Variants in MUSTN1 observed in about 807,000 individuals in gnomAD.
MUSTN1 encodes the protein musculoskeletal embryonic nuclear protein 1.
Under a neutral mutation model 11.8 loss-of-function variants are expected in MUSTN1, and 14 were observed. That is an observed-to-expected ratio of 1.18 (90% CI 0.78 to 1.85). MUSTN1 has a LOEUF of 1.85. MUSTN1 is among the 40% of genes most tolerant of loss of function. The probability of loss-of-function intolerance (pLI) is 0.00; values close to 1 mark genes in which losing one functional copy is unlikely to be tolerated. For synonymous variants in MUSTN1, 42 were observed against 43.3 expected, an observed-to-expected ratio of 0.97 and a Z score of 0.12; for missense variants, 111 against 108.8, an observed-to-expected ratio of 1.02 and a Z score of -0.09.
intron 2 of MUSTN1, 59 bp downstream of exon 2, chr3:52,833,558 C>T (rs750390828): frequency 7.5e-5 from 120 of 1,593,296 alleles, no homozygotes; most frequent in Non-Finnish European, 9.2e-5. Context: ...CACCTCCCCC[C>T]ACCACTGACA....
rs756121159 is a variant in MUSTN1 at position 52,834,982 on chromosome 3, G to T, written c.-34C>A. ...TTGTGTAAGCGCTGGGTCTCTGAAG[G>T]CGCCTCTCTGGCAGGCAGCAGCTGC... On this transcript the variant is annotated 5_prime_UTR_variant, in exon 1 of 3. Transcript: ENST00000446157. The T allele has an allele frequency of 1.2e-6, 2 of 1,613,082 alleles. No homozygotes were observed. The highest frequency in any genetic ancestry group is 1.7e-6 in the Non-Finnish European group (2 of 1,179,656).
In MUSTN1 at chr3:52,834,652, GCGCACACACACA is replaced by G. The variant is rs1473661896; in HGVS notation, c.9+276_9+287del. ...CTATATCGGCAGCACACACACAGATGCGCACACACACACACACACACACAGGCACATGCAAAG... is the reference window on the plus strand; with the variant it reads ...CTATATCGGCAGCACACACACAGATGCACACACACACAGGCACATGCAAAG... On this transcript the variant is annotated intron_variant, in intron 1 of 2. Coordinates refer to ENST00000446157, the MANE Select transcript of MUSTN1 (RefSeq NM_205853.4). The G allele has an allele frequency of 7.2e-5, 39 of 542,784 alleles. No individual in the cohort carries two copies. In the African/African-American group the frequency reaches 7.5e-4, roughly 10 times the overall value. 33.6% of individuals were successfully genotyped at this position (542,784 alleles called of 1,614,324 possible). A position where few individuals can be genotyped will look rare whatever the true frequency, so the allele number is the denominator to read the frequency against.
At chr3:52,833,975 G>C (rs1700646187) in intron 1 of MUSTN1, among the ~76,000 whole-genome samples, 1 of 152,192 alleles carries the variant, frequency 6.6e-6, no homozygotes, top group Non-Finnish European at 1.5e-5. Context: ...TAGCCTGGGA[G>C]CTCTTGGGAG....
rs1700633008 is a variant in MUSTN1 at position 52,833,431 on chromosome 3, C to T, written c.143-1G>A. 11 of 1,611,168 alleles carry T rather than the reference C, an allele frequency of 6.8e-6. No individual in the cohort carries two copies. Among genetic ancestry groups the T allele is most frequent in the Non-Finnish European group, 9.3e-6 (11 of 1,177,894 alleles). ...GACGGGGCGGCCGAGCCAGCTTGCT[C>T]TGTGGGAGGAGGTAAAGTCAGGGGC... On this transcript the variant is annotated splice_acceptor_variant, in intron 2 of 2. Coordinates refer to ENST00000446157, the MANE Select transcript of MUSTN1 (RefSeq NM_205853.4). LOFTEE classifies it high-confidence loss of function.
Position 52,833,616 on chromosome 3 carries a change from C to A in MUSTN1, c.142+1G>T. 6.2e-7 allele frequency: 1 copy of A among 1,610,906 alleles called. No individual in the cohort carries two copies. The highest frequency in any genetic ancestry group is 8.5e-7 in the Non-Finnish European group (1 of 1,178,586). ...GCCCCAGATGGCATGAGGACACTCA[C>A]CACACTCTCGCATGACCTGGTAGGT... On this transcript the variant is annotated splice_donor_variant, in intron 2 of 2. Transcript: ENST00000446157. LOFTEE classifies it high-confidence loss of function.
At chr3:52,833,877 C>G (rs890439629) in intron 1 of MUSTN1, 128 bp from the exon 2 acceptor site, 16 of 1,421,818 alleles carry the variant, frequency 1.1e-5, no homozygotes, top group Middle Eastern at 1.8e-4. Context: ...CTCTACTCCT[C>G]TTCCAGAGAA....
At chr3:52,834,700 G>C (rs1578790001) in intron 1 of MUSTN1, 1 of 634,710 alleles carries the variant, frequency 1.6e-6, no homozygotes. Context: ...ATCTATCTAG[G>C]CCCCCCCCAC....
Position 52,833,691 on chromosome 3 carries a change from A to G in MUSTN1, c.68T>C (p.Leu23Pro), listed in dbSNP as rs1245255661. The change falls in exon 2 of 3, where the codon CTG becomes CCG. Residue 23 changes from leucine to proline, a missense_variant. Coordinates refer to ENST00000446157, the MANE Select transcript of MUSTN1 (RefSeq NM_205853.4). ...KKRPPVKDED[L>P]KGARGNLTKN... ...GGTCAGGTTTCCTCGGGCCCCCTTC[A>G]GGTCCTCGTCCTTCACAGGGGGGCG... The G allele has an allele frequency of 6.2e-7, 1 of 1,600,008 alleles. No individual in the cohort carries two copies. Among genetic ancestry groups the G allele is most frequent in the Non-Finnish European group, 8.5e-7 (1 of 1,173,438 alleles).
Position 52,833,626 on chromosome 3 carries a change from G to C in MUSTN1, c.133C>G (p.Arg45Gly). The change falls in exon 2 of 3, where the codon CGA becomes GGA. Residue 45 changes from arginine (R) to glycine (G), a missense_variant. By Grantham distance (125) the Arg-to-Gly change is moderately radical (BLOSUM62 -2). Transcript: ENST00000446157. ...GCATGAGGACACTCACCACACTCTC[G>C]CATGACCTGGTAGGTCTTGGACTTG... ...EIKSKTYQVM[R>G]ECEQAGSAAP... The C allele has an allele frequency of 6.2e-7, 1 of 1,610,408 alleles. No homozygotes were observed. Among genetic ancestry groups the C allele is most frequent in the Non-Finnish European group, 8.5e-7 (1 of 1,178,460 alleles).
chr3:52,834,649 G>T (rs1267220625), intron 1 of MUSTN1: 2 of 406,916 alleles, frequency 4.9e-6, no homozygotes, highest in Middle Eastern at 3.2e-4. Context: ...CACACACACA[G>T]ATGCGCACAC....
chr3:52,834,705 C>T (rs1418191555), intron 1 of MUSTN1: 8 of 656,096 alleles, frequency 1.2e-5, no homozygotes, highest in Admixed American at 9.5e-5. Flanking sequence ...TCTAGGCCCC[C>T]CCCACCCCCA....
In MUSTN1 at chr3:52,833,223, G is replaced by C. The variant is rs757607466; in HGVS notation, c.*101C>G. 2 of 1,526,488 alleles carry C rather than the reference G, an allele frequency of 1.3e-6. No homozygotes were observed. Among genetic ancestry groups the C allele is most frequent in the East Asian group, 2.4e-5 (1 of 41,274 alleles). The allele number at this position is 1,526,488 out of a possible 1,614,324, so 94.6% of individuals were successfully genotyped here. A position where few individuals can be genotyped will look rare whatever the true frequency, so the allele number is the denominator to read the frequency against. On this transcript the variant is annotated 3_prime_UTR_variant, in exon 3 of 3. Coordinates refer to ENST00000446157, the MANE Select transcript of MUSTN1 (RefSeq NM_205853.4). ...ACTGTGGGGGAGGGTGGCAGCCCCA[G>C]AGACAGCAGGGGAGAGGAAGCGTTC...
rs757813053 is a variant in MUSTN1 at position 52,833,696 on chromosome 3, CTCG to C, written c.60_62del (p.Asp20del). 2 of 1,597,766 alleles carry C rather than the reference CTCG, an allele frequency of 1.3e-6. No individual in the cohort carries two copies. Among genetic ancestry groups the C allele is most frequent in the Non-Finnish European group, 1.7e-6 (2 of 1,172,284 alleles). ...GGTTTCCTCGGGCCCCCTTCAGGTC[CTCG>C]TCCTTCACAGGGGGGCGCTTCTTCT... On this transcript the variant is annotated inframe_deletion, in exon 2 of 3. Coordinates refer to ENST00000446157, the MANE Select transcript of MUSTN1 (RefSeq NM_205853.4).
rs376107093 is a variant in MUSTN1 at position 52,833,731 on chromosome 3, G to A, written c.28C>T (p.Pro10Ser). 9 of 1,583,850 alleles carry A rather than the reference G, an allele frequency of 5.7e-6. No individual in the cohort carries two copies. Among genetic ancestry groups the A allele is most frequent in the African/African-American group, 5.4e-5 (4 of 74,194 alleles). ...ACAGGGGGGCGCTTCTTCTTGATAGGGGCTTCCTGAGCACCAGCCTTGGAG... is the reference window on the plus strand; with the variant it reads ...ACAGGGGGGCGCTTCTTCTTGATAGAGGCTTCCTGAGCACCAGCCTTGGAG... MSQAGAQEA[P>S]IKKKRPPVKD... The change falls in exon 2 of 3, where the codon CCT (proline) becomes TCT (serine). Residue 10 changes from proline (P) to serine (S), a missense_variant. By Grantham distance (74) the Pro-to-Ser change is moderately conservative (BLOSUM62 -1). Coordinates refer to ENST00000446157, the MANE Select transcript of MUSTN1 (RefSeq NM_205853.4).
intron 2 of MUSTN1, 54 bp from the exon 3 acceptor site, chr3:52,833,484 C>CCAG (rs1214339477): frequency 1.9e-6 from 3 of 1,594,884 alleles, no homozygotes; most frequent in Non-Finnish European, 2.6e-6. Context: ...AGGGAAGATC[C>CCAG]CTTACGATGG....
At chr3:52,834,628 T>C (rs1700663541) in intron 1 of MUSTN1, 1 of 566,002 alleles carries the variant, frequency 1.8e-6, no homozygotes, top group African/African-American at 1.9e-5. Flanking sequence ...CACACTGAGC[T>C]ATATCGGCAG....
In MUSTN1 at chr3:52,833,351, G is replaced by C; in HGVS notation, c.222C>G (p.Ala74=). The C allele has an allele frequency of 6.2e-7, 1 of 1,613,956 alleles. No homozygotes were observed. The highest frequency in any genetic ancestry group is 8.5e-7 in the Non-Finnish European group (1 of 1,179,874). The change falls in exon 3 of 3, where the codon GCC becomes GCG. Residue 74 remains alanine (A), a synonymous_variant. Coordinates refer to ENST00000446157, the MANE Select transcript of MUSTN1 (RefSeq NM_205853.4). ...AGCCGAAGACACTCTTGGTGGGTCC[G>C]GCTTTGGGCTTCTCAAAGACAGTCT... is the stretch of plus-strand genomic sequence containing the variant. ...GTETVFEKPK[A]GPTKSVFG
chr3:52,834,812 C>A, intron 1 of MUSTN1, 128 bp downstream of exon 1: 1 of 1,184,308 alleles, frequency 8.4e-7, no homozygotes, highest in Non-Finnish European at 1.2e-6. Flanking sequence ...CCCCATCTCC[C>A]AAGGGCTGCA....
chr3:52,834,059 A>G (rs2276822), intron 1 of MUSTN1, among the ~76,000 whole-genome samples: 135,625 of 152,194 alleles, frequency 0.89, 62,310 homozygotes, highest in Non-Finnish European at 1. Context: ...AGTGGGGAAC[A>G]GCGAAGGGGA....
Sources: gnomAD v4.1 joint callset for allele counts (sites outside exome capture counted in the v4.1 genomes callset) on GRCh38, gnomAD v4.1.1 for gene constraint, MANE v1.5 for transcripts, NCBI Gene and HGNC (gene_info 2026-07-23, HGNC 2026-07-21) for gene names.